DNASE1: variants seen among roughly 807,000 people sequenced by gnomAD.
The protein encoded by DNASE1 is deoxyribonuclease-1.
DNASE1 carries 40 observed loss-of-function variants against 33.9 expected under a neutral mutation model. The ratio of observed to expected loss-of-function variants is 1.18; its 90% confidence interval spans 0.92 to 1.54. The LOEUF is 1.54. Among genes scored for constraint, DNASE1 ranks in the 40% most tolerant of loss-of-function variants. The pLI is 0.00. For missense variants in DNASE1, 518 were observed against 372.6 expected (o/e 1.39, Z -3.21); for synonymous variants, 216 against 160.0 (o/e 1.35, Z -2.64).
At chr16:3,612,491 T>A (rs1414528394) in intron 1 of DNASE1, among the ~76,000 whole-genome samples, 1 of 147,130 alleles carries the variant, frequency 6.8e-6, no homozygotes, top group Non-Finnish European at 1.5e-5. Context: ...CCTCAGGTGA[T>A]CCGCCCGCCT....
chr16:3,649,741 G>C (rs2042276878), upstream of DNASE1, among the ~76,000 whole-genome samples: 1 of 152,158 alleles, frequency 6.6e-6, no homozygotes, highest in Non-Finnish European at 1.5e-5. Flanking sequence ...TTTTTATCTT[G>C]TGGCCTGGGT....
intron 1 of DNASE1, among the ~76,000 whole-genome samples, chr16:3,632,031 C>T (rs1411665748): frequency 6.6e-6 from 1 of 152,196 alleles, no homozygotes; most frequent in African/African-American, 2.4e-5. Context: ...CCACCCCTTT[C>T]AGTTGTCACA....
chr16:3,612,635 C>T (rs993447847), intron 1 of DNASE1, among the ~76,000 whole-genome samples: 11 of 150,970 alleles, frequency 7.3e-5, no homozygotes, highest in Non-Finnish European at 8.9e-5. Flanking sequence ...GTCTCGAGCC[C>T]TGGCCGCAAG....
At chr16:3,663,613 C>A in exon 10 of DNASE1, 1 of 1,608,106 alleles carries the variant, frequency 6.2e-7, no homozygotes, top group Non-Finnish European at 8.5e-7. Context: ...CTCCAGCCAC[C>A]ACAGAAGAAA....
At chr16:3,638,100 TGTGA>T (rs1450421069), upstream of DNASE1, among the ~76,000 whole-genome samples, 2 of 123,020 alleles carry the variant, frequency 1.6e-5, no homozygotes, top group Non-Finnish European at 3.3e-5. Flanking sequence ...GACCAGTTTT[TGTGA>T]GTGTGTGTGT....
chr16:3,645,452 G>C (rs920968578), intron 1 of DNASE1, among the ~76,000 whole-genome samples: 13 of 152,258 alleles, frequency 8.5e-5, no homozygotes, highest in Admixed American at 8.5e-4. Context: ...ATTGTCCTCA[G>C]GGACTCAGGC....
intron 1 of DNASE1, among the ~76,000 whole-genome samples, chr16:3,646,752 G>T (rs1472630537): frequency 6.6e-6 from 1 of 152,176 alleles, no homozygotes; most frequent in East Asian, 1.9e-4. Context: ...ACATGTACCT[G>T]GAAGCAGGGC....
At chr16:3,640,915 G>A (rs752152293), upstream of DNASE1, 38 of 398,510 alleles carry the variant, frequency 9.5e-5, no homozygotes, top group Non-Finnish European at 1.0e-4. Context: ...GAGCTCTCAA[G>A]GGCAGAGCCA....
intron 1 of DNASE1, among the ~76,000 whole-genome samples, chr16:3,634,923 C>T (rs2041822302): frequency 6.6e-6 from 1 of 152,118 alleles, no homozygotes; most frequent in Admixed American, 6.5e-5. Context: ...GGAGTTTTGA[C>T]CTGCTTCATT....
chr16:3,637,827 C>T (rs1034269701), intron 1 of DNASE1, among the ~76,000 whole-genome samples: 1 of 152,128 alleles, frequency 6.6e-6, no homozygotes, highest in African/African-American at 2.4e-5. Flanking sequence ...GTAAATTTTC[C>T]TACCCTCGTT....
chr16:3,636,168 A>AT (rs973910805), intron 1 of DNASE1, among the ~76,000 whole-genome samples: 2 of 145,336 alleles, frequency 1.4e-5, no homozygotes, highest in Non-Finnish European at 1.5e-5. Flanking sequence ...TGCTACTGAC[A>AT]TTTTTTTTCA....
At chr16:3,661,078 C>CTTCATATACAAGTTAG (rs930857412), downstream of DNASE1, 2 of 151,982 alleles carry the variant, frequency 1.3e-5, no homozygotes, top group Non-Finnish European at 2.9e-5. Context: ...AAAAAAGAAA[C>CTTCATATACAAGTTAG]TTCATATACA....
chr16:3,648,992 T>C (rs1047548129), intron 1 of DNASE1, among the ~76,000 whole-genome samples: 1 of 152,252 alleles, frequency 6.6e-6, no homozygotes, highest in Non-Finnish European at 1.5e-5. Context: ...GATTTCCCAG[T>C]CTGGGTCGTA....
At chr16:3,637,434 GC>G (rs2041903435) in intron 1 of DNASE1, among the ~76,000 whole-genome samples, 1 of 152,152 alleles carries the variant, frequency 6.6e-6, no homozygotes, top group African/African-American at 2.4e-5. Flanking sequence ...GTGAGCCTGT[GC>G]CCCTGGCCTG....
chr16:3,664,552 C>G (rs1291929614), exon 10 of DNASE1: 1 of 1,346,732 alleles, frequency 7.4e-7, no homozygotes, highest in African/African-American at 1.5e-5. Context: ...TGCCCATGGC[C>G]TCCTGGCACT....
intron 1 of DNASE1, among the ~76,000 whole-genome samples, chr16:3,628,825 CTGG>C (rs1254608797): frequency 2.0e-5 from 3 of 147,138 alleles, no homozygotes; most frequent in African/African-American, 7.5e-5. Context: ...TCCCAAAGTG[CTGG>C]GATTACAGGC....
intron 1 of DNASE1, among the ~76,000 whole-genome samples, chr16:3,628,829 G>A (rs1475175476): frequency 2.0e-5 from 3 of 147,668 alleles, no homozygotes; most frequent in African/African-American, 7.4e-5. Flanking sequence ...AAAGTGCTGG[G>A]ATTACAGGCG....
chr16:3,611,775 C>G (rs1224028711), exon 1 of DNASE1: 1 of 151,552 alleles, frequency 6.6e-6, no homozygotes, highest in African/African-American at 2.4e-5. Context: ...GGAAGCGGCG[C>G]TTGCTTCAGG....
intron 1 of DNASE1, among the ~76,000 whole-genome samples, chr16:3,625,568 A>C (rs2041482249): frequency 6.6e-6 from 1 of 152,098 alleles, no homozygotes; most frequent in Non-Finnish European, 1.5e-5. Flanking sequence ...GGCTGCAGTG[A>C]ATCATAATCG....
Sources: allele counts gnomAD v4.1 joint callset (sites outside exome capture counted in the v4.1 genomes callset), GRCh38; gene constraint gnomAD v4.1.1; transcripts MANE v1.5; gene names NCBI Gene and HGNC (gene_info 2026-07-23, HGNC 2026-07-21).